Variants in KLHL32 observed in about 807,000 individuals in gnomAD.
KLHL32 encodes kelch-like protein 32.
A neutral mutation model predicts 64.8 loss-of-function variants in KLHL32; 35 were observed. The ratio of observed to expected loss-of-function variants is 0.54; its 90% CI spans 0.41 to 0.72. The LOEUF (loss-of-function observed/expected upper bound fraction) is 0.72, where lower values mean the gene tolerates loss of function less well. KLHL32 is among the 30% of genes least tolerant of loss of function. The pLI is 0.00. For synonymous variants in KLHL32, 259 were observed against 281.0 expected (o/e 0.92, Z 0.78); for missense variants, 589 against 768.5 (o/e 0.77, Z 2.76).
the KLHL32 span, among the ~76,000 whole-genome samples, chr6:96,898,776 G>A: frequency 1.3e-5 from 2 of 152,018 alleles, no homozygotes; most frequent in Non-Finnish European, 2.9e-5. Context: ...GGTTACTGTA[G>A]TGCTGCTTTT....
intron 8 of KLHL32, among the ~76,000 whole-genome samples, chr6:97,128,914 T>A (rs2128220711): frequency 6.6e-6 from 1 of 152,344 alleles, no homozygotes; most frequent in South Asian, 2.1e-4. Flanking sequence ...AAACATTGAT[T>A]CCTAATACTG....
At chr6:96,995,886 G>A (rs1364051594) in intron 3 of KLHL32, among the ~76,000 whole-genome samples, 1 of 152,222 alleles carries the variant, frequency 6.6e-6, no homozygotes, top group Non-Finnish European at 1.5e-5. Context: ...ATGTGTGGCA[G>A]CCCCCTTACC....
At chr6:97,089,502 G>A (rs557446872) in intron 6 of KLHL32, among the ~76,000 whole-genome samples, 10 of 152,232 alleles carry the variant, frequency 6.6e-5, no homozygotes, top group African/African-American at 2.2e-4. Context: ...TTTCTGGGTA[G>A]GCGCGGTGGC....
At chr6:96,910,251 A>G in the KLHL32 span, among the ~76,000 whole-genome samples, 5 of 152,102 alleles carry the variant, frequency 3.3e-5, no homozygotes, top group African/African-American at 9.7e-5. Flanking sequence ...TCCCCAGGGA[A>G]AAAGAACAAG....
intron 4 of KLHL32, among the ~76,000 whole-genome samples, chr6:97,047,552 C>G (rs1786124027): frequency 6.6e-6 from 1 of 152,244 alleles, no homozygotes. Flanking sequence ...TCCAGTTACA[C>G]TGGTGGGCAA....
chr6:97,032,390 A>C (rs1783684956), intron 3 of KLHL32, among the ~76,000 whole-genome samples: 1 of 152,202 alleles, frequency 6.6e-6, no homozygotes, highest in Non-Finnish European at 1.5e-5. Context: ...AAATATAGAT[A>C]TACATTATTT....
intron 6 of KLHL32, among the ~76,000 whole-genome samples, chr6:97,098,946 T>G (rs1451204795): frequency 6.6e-6 from 1 of 152,260 alleles, no homozygotes; most frequent in Non-Finnish European, 1.5e-5. Flanking sequence ...ATGCAAAGTT[T>G]AATTTTCATA....
At chr6:96,915,059 A>T in the KLHL32 span, 9 of 152,164 alleles carry the variant, frequency 5.9e-5, no homozygotes, top group Non-Finnish European at 1.0e-4. Flanking sequence ...TCCTAAAAAG[A>T]AAGAATAAAT....
chr6:97,111,190 CAG>C (rs1473540198), intron 6 of KLHL32, among the ~76,000 whole-genome samples: 2 of 152,230 alleles, frequency 1.3e-5, no homozygotes, highest in Non-Finnish European at 2.9e-5. Flanking sequence ...TGAAGGGAAA[CAG>C]AGCCAACATT....
intron 4 of KLHL32, among the ~76,000 whole-genome samples, chr6:97,046,232 C>T (rs749240502): frequency 1.3e-5 from 2 of 152,198 alleles, no homozygotes; most frequent in Admixed American, 6.5e-5. Flanking sequence ...ATCTTTAAAA[C>T]AGCTCTAAGG....
chr6:96,943,426 T>A (rs1185870613), intron 1 of KLHL32, among the ~76,000 whole-genome samples: 1 of 151,724 alleles, frequency 6.6e-6, no homozygotes, highest in Non-Finnish European at 1.5e-5. Flanking sequence ...ACCAAGGAGA[T>A]TTCTCACCCA....
At chr6:96,963,785 C>T (rs11153284) in intron 1 of KLHL32, among the ~76,000 whole-genome samples, 116,110 of 152,200 alleles carry the variant, frequency 0.76, 44,929 homozygotes, top group African/African-American at 0.89. Context: ...AATAATATTG[C>T]CATTATTCAG....
intron 1 of KLHL32, among the ~76,000 whole-genome samples, chr6:96,962,562 A>G (rs1277654744): frequency 6.6e-6 from 1 of 152,212 alleles, no homozygotes; most frequent in Non-Finnish European, 1.5e-5. Context: ...TATTTGGCAT[A>G]TGAACTACAT....
intron 5 of KLHL32, among the ~76,000 whole-genome samples, chr6:97,081,926 G>A (rs554924814): frequency 3.2e-4 from 49 of 152,340 alleles, no homozygotes; most frequent in African/African-American, 1.2e-3. Flanking sequence ...GGATAGGGTT[G>A]CTGCACCTTA....
intron 1 of KLHL32, among the ~76,000 whole-genome samples, chr6:96,937,150 G>T (rs1230578964): frequency 6.6e-6 from 1 of 151,974 alleles, no homozygotes; most frequent in Non-Finnish European, 1.5e-5. Flanking sequence ...AATGTATAGC[G>T]TTCTGTAGCC....
intron 1 of KLHL32, among the ~76,000 whole-genome samples, chr6:96,937,767 A>T (rs914756480): frequency 2.6e-5 from 4 of 151,912 alleles, no homozygotes; most frequent in African/African-American, 9.7e-5. Context: ...GCTTCCTTAC[A>T]GCTTCTCTGT....
At chr6:96,966,861 CA>C (rs1378794780) in intron 1 of KLHL32, 134 bp from the exon 2 acceptor site, 71 of 504,200 alleles carry the variant, frequency 1.4e-4, no homozygotes, top group African/African-American at 1.3e-3. Context: ...AGCATTGTGT[CA>C]GAACGTTTTA....
chr6:97,054,956 G>T (rs1766474), intron 4 of KLHL32, among the ~76,000 whole-genome samples: 1 of 151,908 alleles, frequency 6.6e-6, no homozygotes, highest in Non-Finnish European at 1.5e-5. Flanking sequence ...TATAAGAGAG[G>T]ATAAAAATTG....
chr6:97,033,626 C>T (rs899617674), intron 3 of KLHL32, among the ~76,000 whole-genome samples: 1 of 151,916 alleles, frequency 6.6e-6, no homozygotes, highest in African/African-American at 2.4e-5. Context: ...ATGGCTGTAC[C>T]AATTTACATT....
Sources: allele counts gnomAD v4.1 joint callset (sites outside exome capture counted in the v4.1 genomes callset), GRCh38; gene constraint gnomAD v4.1.1; transcripts MANE v1.5; gene names NCBI Gene and HGNC (gene_info 2026-07-23, HGNC 2026-07-21).